Variants in MDM2 observed in about 807,000 individuals in gnomAD.
MDM2 encodes the protein E3 ubiquitin-protein ligase Mdm2.
In MDM2, 11 loss-of-function variants were observed where a neutral mutation model predicts 64.3. That is an observed-to-expected ratio of 0.17 (90% CI 0.11 to 0.28). The LOEUF (loss-of-function observed/expected upper bound fraction) is 0.28, where lower values mean the gene tolerates loss of function less well. Among genes scored for constraint, MDM2 ranks in the 10% least tolerant of loss-of-function variants. MDM2 has a pLI of 1.00. For missense variants in MDM2, 388 were observed against 577.1 expected, an observed-to-expected ratio of 0.67 and a Z score of 3.36; for synonymous variants, 194 against 192.9, an observed-to-expected ratio of 1.01 and a Z score of -0.05.
At chr12:68,808,613 G>A (rs1188243375) in intron 1 of MDM2, 122 bp downstream of exon 1, 4 of 1,378,792 alleles carry the variant, frequency 2.9e-6, no homozygotes, top group Non-Finnish European at 4.0e-6. Flanking sequence ...GGGGCTCGGG[G>A]CGCGGGGCGC....
chr12:68,822,617 T>C (rs776956465), intron 5 of MDM2, among the ~76,000 whole-genome samples: 9 of 152,324 alleles, frequency 5.9e-5, no homozygotes, highest in Non-Finnish European at 1.0e-4. Context: ...AAATAAACTT[T>C]GGCACATTAC....
intron 7 of MDM2, 107 bp from the exon 8 acceptor site, chr12:68,828,664 T>C: frequency 3.4e-6 from 3 of 881,902 alleles, no homozygotes; most frequent in Non-Finnish European, 5.2e-6. Flanking sequence ...GTGTTAACTT[T>C]TGAACTAATT....
Position 68,836,682 on chromosome 12 carries a change from T to G in MDM2, c.851T>G (p.Val284Gly), listed in dbSNP as rs1883333942. ...LSDEDDEVYQ[V>G]TVYQAGESDT... is the part of the protein sequence containing the mutation. Reference sequence around the variant, plus strand: ...AATGTGTTTTATTAGGTATATCAAGTTACTGTGTATCAGGCAGGGGAGAGT... The same window carrying G: ...AATGTGTTTTATTAGGTATATCAAGGTACTGTGTATCAGGCAGGGGAGAGT... The change falls in exon 10 of 11, where the codon GTT (valine) becomes GGT (glycine). Residue 284 changes from valine (V) to glycine (G), a missense_variant. Physicochemically the swap from Val to Gly is moderately radical, Grantham distance 109. Transcript: ENST00000258149. 6.2e-7 allele frequency: 1 copy of G among 1,610,472 alleles called. No individual in the cohort carries two copies. The highest frequency in any genetic ancestry group is 8.5e-7 in the Non-Finnish European group (1 of 1,177,094).
At chr12:68,850,538 C>T (rs1015743414), downstream of MDM2, 1 of 152,144 alleles carries the variant, frequency 6.6e-6, no homozygotes, top group Non-Finnish European at 1.5e-5. Context: ...AGCTTGAGCC[C>T]ATCCTCTGTC....
intron 3 of MDM2, among the ~76,000 whole-genome samples, 154 bp downstream of exon 3, chr12:68,813,782 T>A (rs938628166): frequency 2.0e-5 from 3 of 152,234 alleles, no homozygotes; most frequent in Non-Finnish European, 4.4e-5. Context: ...ATTTTAAAGC[T>A]GAAAATTCTA....
rs571386391 is a variant in MDM2 at position 68,844,400 on chromosome 12, TTAG to T, written c.*4555_*4557del. The T allele has an allele frequency of 1.1e-3, 257 of 226,610 alleles. No individual in the cohort carries two copies. The highest frequency in any genetic ancestry group is 4.8e-3 in the African/African-American group (215 of 45,054). 14.0% of individuals were successfully genotyped at this position (226,610 alleles called of 1,614,324 possible). A position where few individuals can be genotyped will look rare whatever the true frequency, so the allele number is the denominator to read the frequency against. The stretch of plus-strand genomic sequence containing the variant: ...CAACTTGAGAGAATGATGTTGCAAG[TTAG>T]TAGGAGTAAGAAATGCTGTGTTCTC... On this transcript the variant is annotated 3_prime_UTR_variant, in exon 11 of 11. Coordinates refer to ENST00000258149, the MANE Select transcript of MDM2 (RefSeq NM_002392.6).
chr12:68,840,948 T>C lies in MDM2; in HGVS notation c.*1099T>C. 6.4e-6 allele frequency: 1 copy of C among 157,404 alleles called. No homozygotes were observed. Among genetic ancestry groups the C allele is most frequent in the Non-Finnish European group, 1.3e-5 (1 of 74,340 alleles). The allele number at this position is 157,404 out of a possible 1,614,324, so 9.8% of individuals were successfully genotyped here. On this transcript the variant is annotated 3_prime_UTR_variant, in exon 11 of 11. Transcript: ENST00000258149. ...CAACTTCCGCCTTCTGGGTTCAAGC[T>C]ATTCTCCTGCCTCAGCCTTCCAAGT...
chr12:68,847,210 A>ATATATATATATATG (rs1565756805), downstream of MDM2: 1 of 135,114 alleles, frequency 7.4e-6, no homozygotes, highest in African/African-American at 3.1e-5. Flanking sequence ...ATATATATAT[A>ATATATATATATATG]TACTTTTTTT....
At chr12:68,821,626 G>A (rs1881860257) in intron 5 of MDM2, among the ~76,000 whole-genome samples, 1 of 152,160 alleles carries the variant, frequency 6.6e-6, no homozygotes, top group African/African-American at 2.4e-5. Context: ...AGGAGGCTGA[G>A]GCAGGAGGAT....
intron 8 of MDM2, among the ~76,000 whole-genome samples, chr12:68,831,599 C>T (rs536556585): frequency 1.5e-4 from 23 of 152,240 alleles, no homozygotes; most frequent in African/African-American, 5.1e-4. Flanking sequence ...CCTTTAAGAG[C>T]CAGGGCTTTT....
chr12:68,847,987 A>C (rs1196469817), downstream of MDM2: 1 of 152,184 alleles, frequency 6.6e-6, no homozygotes, highest in Non-Finnish European at 1.5e-5. Flanking sequence ...CAACATAATG[A>C]CACCCTGTAT....
intron 10 of MDM2, among the ~76,000 whole-genome samples, chr12:68,839,011 C>A (rs1231017681): frequency 6.6e-6 from 1 of 151,982 alleles, no homozygotes. Context: ...TTAATGTAAT[C>A]CATTATCTTG....
chr12:68,847,433 A>G (rs1220366956), downstream of MDM2: 2 of 138,966 alleles, frequency 1.4e-5, no homozygotes, highest in Non-Finnish European at 3.0e-5. Flanking sequence ...AGGTTGTAAC[A>G]TCCTTTTGTA....
At chr12:68,809,347 A>C (rs764966544) in intron 2 of MDM2, 55 bp downstream of exon 2, 1 of 1,512,414 alleles carries the variant, frequency 6.6e-7, no homozygotes, top group South Asian at 1.1e-5. Flanking sequence ...ATGAAGTGAT[A>C]AACTAAATTT....
intron 10 of MDM2, among the ~76,000 whole-genome samples, chr12:68,838,282 C>T (rs1179665702): frequency 1.3e-5 from 2 of 152,152 alleles, no homozygotes; most frequent in African/African-American, 4.8e-5. Context: ...AAGAACCATG[C>T]TTCAGCTAAG....
chr12:68,847,191 G>A (rs1354047968), downstream of MDM2: 1 of 54,966 alleles, frequency 1.8e-5, no homozygotes, highest in Non-Finnish European at 3.6e-5. Context: ...GTATGTGTGT[G>A]TACATTATAT....
In MDM2 at chr12:68,820,106, A is replaced by G. The variant is rs189571467; in HGVS notation, c.309-219A>G. 9.8e-4 allele frequency among the ~76,000 whole-genome samples: 149 copies of G among 152,298 alleles called. 1 individual carries two copies. The highest frequency in any genetic ancestry group is 4.6e-3 in the Admixed American group (71 of 15,292). The stretch of plus-strand genomic sequence containing the variant: ...GTAGTGTGAAATCTTTCAGCTAGAG[A>G]GACTTTAGTAATTATTAAAAGTAGC... On this transcript the variant is annotated intron_variant, in intron 4 of 10. Coordinates refer to ENST00000258149, the MANE Select transcript of MDM2 (RefSeq NM_002392.6).
At chr12:68,834,442 CAA>C (rs1238918782) in intron 8 of MDM2, among the ~76,000 whole-genome samples, 1 of 128,286 alleles carries the variant, frequency 7.8e-6, no homozygotes, top group Non-Finnish European at 1.7e-5. Flanking sequence ...ACTCTTGTCT[CAA>C]AAAAAAAAAG....
In MDM2 at chr12:68,828,869, A is replaced by G. The variant is rs764783109; in HGVS notation, c.622A>G (p.Ile208Val). Residue 208 changes from isoleucine (I) to valine (V), a missense_variant, in exon 8 of 11, where the codon ATA (isoleucine) becomes GTA (valine). Physicochemically the swap from Ile to Val is conservative, Grantham distance 29. Coordinates refer to ENST00000258149, the MANE Select transcript of MDM2 (RefSeq NM_002392.6). ...TGATGAAAGCCTGGCTCTGTGTGTA[A>G]TAAGGGAGATATGTTGTGAAAGAAG... ...SFDESLALCV[I>V]REICCERSSS... 1.2e-5 allele frequency: 19 copies of G among 1,613,978 alleles called. No homozygotes were observed. Among genetic ancestry groups the G allele is most frequent in the Non-Finnish European group, 1.5e-5 (18 of 1,180,006 alleles).
Sources: gnomAD v4.1 joint callset for allele counts (sites outside exome capture counted in the v4.1 genomes callset) on GRCh38, gnomAD v4.1.1 for gene constraint, MANE v1.5 for transcripts, NCBI Gene and HGNC (gene_info 2026-07-23, HGNC 2026-07-21) for gene names.